Variants in ASIC2 observed in about 807,000 individuals in gnomAD.
ASIC2 encodes the protein acid-sensing ion channel 2.
Under a neutral mutation model 57.3 loss-of-function variants are expected in ASIC2, and 25 were observed. That is an observed-to-expected ratio of 0.44 (90% CI 0.32 to 0.61). The LOEUF (loss-of-function observed/expected upper bound fraction) is 0.61. ASIC2 is among the 20% of genes least tolerant of loss of function. ASIC2 has a pLI of 0.06. For synonymous variants in ASIC2, 319 were observed against 307.5 expected, an observed-to-expected ratio of 1.04 and a Z score of -0.39; for missense variants, 641 against 738.1, an observed-to-expected ratio of 0.87 and a Z score of 1.52.
intron 1 of ASIC2, among the ~76,000 whole-genome samples, chr17:34,031,229 G>A (rs989261111): frequency 3.3e-5 from 5 of 152,184 alleles, no homozygotes; most frequent in East Asian, 1.9e-4. Context: ...TTCAGCCACC[G>A]CTGTGGATAC....
At chr17:33,071,737 A>G (rs534342651) in intron 3 of ASIC2, among the ~76,000 whole-genome samples, 15 of 152,248 alleles carry the variant, frequency 9.9e-5, no homozygotes, top group Admixed American at 9.2e-4. Flanking sequence ...AGTTTGACCC[A>G]TTTGGGTTTT....
rs553592967 is a variant in ASIC2, at chr17:33,132,176, T to G, written c.709-20109A>C. 2.0e-5 allele frequency among the ~76,000 whole-genome samples: 3 copies of G among 152,314 alleles called. No homozygotes were observed. The East Asian group carries it at 5.8e-4, about 29-fold the overall frequency. On this transcript the variant is annotated intron_variant, in intron 1 of 9. Transcript: ENST00000225823. ...TATTCAGGTTTTCATTCAACAAATA[T>G]TTTGGCACACATACTATGTGGCTCA...
In ASIC2 at chr17:33,308,060, C is replaced by A. The variant is rs895735965; in HGVS notation, c.556-195993G>T. ...TGAAGGAAAGGATCTTGAGTTTGTA[C>A]ACTGGTATGTTCTAAATACCTCAAA... On this transcript the variant is annotated intron_variant, in intron 1 of 9. Coordinates refer to the ASIC2 transcript ENST00000359872. Among the ~76,000 whole-genome samples, 39 of 152,182 alleles carry A rather than the reference C, an allele frequency of 2.6e-4. 1 individual carries two copies. Among genetic ancestry groups the A allele is most frequent in the African/African-American group, 9.4e-4 (39 of 41,444 alleles).
intron 1 of ASIC2, among the ~76,000 whole-genome samples, chr17:33,643,152 C>CA (rs1567677628): frequency 2.0e-5 from 3 of 150,394 alleles, no homozygotes; most frequent in Non-Finnish European, 1.5e-5. Context: ...TCATTTCCCC[C>CA]CCCCCACATT....
rs189765611 is a variant in ASIC2 at position 33,733,822 on chromosome 17, G to C, written c.555+422156C>G. On this transcript the variant is annotated intron_variant, in intron 1 of 9. Transcript: ENST00000359872. ...GTCTGGCTAAATCCCGACCTGGCTA[G>C]ATACAGTTATTGTCCTACTCTTTCC... Among the ~76,000 whole-genome samples, 13 of 152,260 alleles carry C rather than the reference G, an allele frequency of 8.5e-5. No individual in the cohort carries two copies. The East Asian group carries it at 2.5e-3, about 29-fold the overall frequency.
rs114038933 is a variant in ASIC2, at chr17:33,247,916, T to C, written c.708+43492A>G. ...CAGGGAGCTTAGACTCTGAAGTATA[T>C]GTGTATGTACGGGACAGCCAGAAAA... On this transcript the variant is annotated intron_variant, in intron 1 of 9. Transcript: ENST00000225823. 1.9e-3 allele frequency among the ~76,000 whole-genome samples: 293 copies of C among 152,304 alleles called. 3 individuals are homozygous for C. Among genetic ancestry groups the C allele is most frequent in the African/African-American group, 6.7e-3 (280 of 41,552 alleles).
intron 3 of ASIC2, among the ~76,000 whole-genome samples, chr17:33,051,669 C>T (rs2091977055): frequency 6.6e-6 from 1 of 152,124 alleles, no homozygotes; most frequent in Non-Finnish European, 1.5e-5. Flanking sequence ...GTATCAGTTA[C>T]CTCTGTGTGA....
intron 1 of ASIC2, among the ~76,000 whole-genome samples, chr17:33,883,482 C>G (rs925482408): frequency 6.6e-6 from 1 of 152,156 alleles, no homozygotes. Context: ...TCATCAGATA[C>G]AGAAAGACTC....
chr17:33,912,103 G>T (rs1011174978), intron 1 of ASIC2, among the ~76,000 whole-genome samples: 1 of 125,520 alleles, frequency 8.0e-6, no homozygotes, highest in African/African-American at 3.1e-5. Context: ...TCACGCCATT[G>T]CACTCCAGCC....
chr17:33,809,294 T>C (rs1441457192), intron 1 of ASIC2, among the ~76,000 whole-genome samples: 2 of 152,152 alleles, frequency 1.3e-5, no homozygotes. Flanking sequence ...TGAACCCCAG[T>C]GGAGTGTGTG....
chr17:33,640,423 A>G (rs1023952254), intron 1 of ASIC2, among the ~76,000 whole-genome samples: 4 of 152,208 alleles, frequency 2.6e-5, no homozygotes, highest in African/African-American at 9.6e-5. Flanking sequence ...GCCAGACTTC[A>G]TTTCTTTGCA....
intron 1 of ASIC2, among the ~76,000 whole-genome samples, chr17:34,122,170 C>A (rs1226061292): frequency 1.3e-5 from 2 of 152,238 alleles, no homozygotes; most frequent in African/African-American, 4.8e-5. Context: ...GTGCTAAGGA[C>A]TTGCTTGCAT....
intron 1 of ASIC2, among the ~76,000 whole-genome samples, chr17:33,890,380 T>C (rs1167492892): frequency 6.6e-6 from 1 of 152,220 alleles, no homozygotes; most frequent in African/African-American, 2.4e-5. Flanking sequence ...TCAAAAGCCT[T>C]TGCATGTCTT....
intron 6 of ASIC2, among the ~76,000 whole-genome samples, chr17:33,022,602 C>A (rs1444170858): frequency 6.6e-6 from 1 of 152,244 alleles, no homozygotes. Context: ...CTGCCCTGTG[C>A]TGATGGTCTC....
intron 1 of ASIC2, among the ~76,000 whole-genome samples, chr17:33,121,487 T>C (rs1245069602): frequency 6.6e-6 from 1 of 152,120 alleles, no homozygotes; most frequent in Non-Finnish European, 1.5e-5. Context: ...GGGACAGTGG[T>C]GGCGACAGCA....
chr17:33,462,247 C>T (rs1160755860), intron 1 of ASIC2, among the ~76,000 whole-genome samples: 1 of 152,190 alleles, frequency 6.6e-6, no homozygotes, highest in Non-Finnish European at 1.5e-5. Context: ...GGTAATAGAA[C>T]CTACAAGGTT....
At chr17:33,816,020 T>C (rs936945728) in intron 1 of ASIC2, among the ~76,000 whole-genome samples, 5 of 152,002 alleles carry the variant, frequency 3.3e-5, no homozygotes, top group Admixed American at 2.6e-4. Context: ...GCACATTACA[T>C]AGGGACACTT....
intron 1 of ASIC2, among the ~76,000 whole-genome samples, chr17:34,052,274 C>T (rs1597995500): frequency 6.6e-6 from 1 of 152,204 alleles, no homozygotes; most frequent in Non-Finnish European, 1.5e-5. Flanking sequence ...AATCGTACTA[C>T]TGCCCCCACA....
chr17:33,295,865 T>C (rs1905700878), upstream of ASIC2, among the ~76,000 whole-genome samples: 1 of 152,206 alleles, frequency 6.6e-6, no homozygotes, highest in African/African-American at 2.4e-5. Flanking sequence ...CTATTTGTTT[T>C]TTAGGGATGA....
Sources: allele counts gnomAD v4.1 joint callset (sites outside exome capture counted in the v4.1 genomes callset), GRCh38; gene constraint gnomAD v4.1.1; transcripts MANE v1.5; gene names NCBI Gene and HGNC (gene_info 2026-07-23, HGNC 2026-07-21).